The following ALG1 variants were observed in gnomAD, a reference collection of about 807,000 sequenced individuals.
The protein encoded by ALG1 is ALG1 chitobiosyldiphosphodolichol beta-mannosyltransferase.
A neutral mutation model predicts 55.1 loss-of-function variants in ALG1; 58 were observed. The ratio of observed to expected loss-of-function variants is 1.05; its 90% CI spans 0.85 to 1.31. The LOEUF is 1.31. Ranked by LOEUF, ALG1 falls within the 50% of genes most tolerant of loss-of-function variation. ALG1 has a pLI of 0.00. For synonymous variants in ALG1, 309 were observed against 247.0 expected, an observed-to-expected ratio of 1.25 and a Z score of -2.35; for missense variants, 761 against 598.6, an observed-to-expected ratio of 1.27 and a Z score of -2.83.
intron 4 of ALG1, 56 bp downstream of exon 4, chr16:5,075,592 G>A: frequency 6.2e-7 from 1 of 1,606,878 alleles, no homozygotes; most frequent in East Asian, 2.2e-5. Context: ...AAGGATGAGT[G>A]AGAAGAAGGG....
chr16:5,085,584 A>G lies in ALG1; in HGVS notation c.*703A>G, dbSNP rs764130039. ...GCTTTCCCATATAAAAATTCTTCCC[A>G]TGAGAGTGACTTGATTCTCACAATC... is the stretch of plus-strand genomic sequence containing the variant. On this transcript the variant is annotated 3_prime_UTR_variant, in exon 13 of 13. Coordinates refer to ENST00000262374, the MANE Select transcript of ALG1 (RefSeq NM_019109.5). 7.6e-7 allele frequency: 1 copy of G among 1,321,754 alleles called. No individual in the cohort carries two copies. Among genetic ancestry groups the G allele is most frequent in the Admixed American group, 1.7e-5 (1 of 59,594 alleles). The allele number at this position is 1,321,754 out of a possible 1,614,324, so 81.9% of individuals were successfully genotyped here.
In ALG1 at chr16:5,082,671, G is replaced by C. The variant is rs1308517122; in HGVS notation, c.1185G>C (p.Lys395Asn). 1.2e-6 allele frequency: 2 copies of C among 1,611,434 alleles called. No individual in the cohort carries two copies. Among genetic ancestry groups the C allele is most frequent in the Admixed American group, 1.7e-5 (1 of 60,024 alleles). The change falls in exon 11 of 13, where the codon AAG (lysine) becomes AAC (asparagine). Residue 395 changes from lysine to asparagine, a missense_variant and splice_region_variant. By Grantham distance (94) the Lys-to-Asn change is moderately conservative. Coordinates refer to ENST00000262374, the MANE Select transcript of ALG1 (RefSeq NM_019109.5). ...TGCCTGTGTGTGCTGTGAACTTCAA[G>C]TGGTAGGAGCAGAACCCAAATCCTT... is the stretch of plus-strand genomic sequence containing the variant. ...CCLPVCAVNF[K>N]CLHELVKHEE...
Position 5,086,996 on chromosome 16 carries a change from A to G in ALG1, c.*2115A>G, listed in dbSNP as rs988415445. 5.3e-5 allele frequency: 8 copies of G among 152,200 alleles called. No individual in the cohort carries two copies. The highest frequency in any genetic ancestry group is 8.8e-5 in the Non-Finnish European group (6 of 68,030). The allele number at this position is 152,200 out of a possible 1,614,324, so 9.4% of individuals were successfully genotyped here. A position where few individuals can be genotyped will look rare whatever the true frequency, so the allele number is the denominator to read the frequency against. On this transcript the variant is annotated 3_prime_UTR_variant, in exon 13 of 13. Coordinates refer to ENST00000262374, the MANE Select transcript of ALG1 (RefSeq NM_019109.5). ...GTGACCCGGGACGATTTTCAATCAC[A>G]GTTTTTTGTTACGAGTGGAAAATGC... is the stretch of plus-strand genomic sequence containing the variant.
In ALG1 at chr16:5,086,374, CCACACACA is replaced by C. The variant is rs1219969980; in HGVS notation, c.*1500_*1507del. On this transcript the variant is annotated 3_prime_UTR_variant, in exon 13 of 13. Transcript: ENST00000262374. ...AAAACCACACGCACCACACACACAC[CCACACACA>C]CACACAGCTTAGAAGGGGCTGCTGT... 2 of 150,516 alleles carry C rather than the reference CCACACACA, an allele frequency of 1.3e-5. No individual in the cohort carries two copies. The highest frequency in any genetic ancestry group is 2.9e-5 in the Non-Finnish European group (2 of 68,216). 9.3% of individuals were successfully genotyped at this position (150,516 alleles called of 1,614,324 possible).
intron 1 of ALG1, chr16:5,072,407 T>G: frequency 7.4e-6 from 4 of 538,254 alleles, no homozygotes; most frequent in East Asian, 4.5e-5. Flanking sequence ...GGATATTTCA[T>G]TCCTCATCCC....
rs769389896 is a variant in ALG1, at chr16:5,080,940, G to T, written c.962-6G>T. ...TCCATGGCAGTGTCTGCTCTTCTCT[G>T]TGAAGGCAAAGGGCCTCTGAGGGAG... On this transcript the variant is annotated splice_polypyrimidine_tract_variant and splice_region_variant and intron_variant, in intron 9 of 12. Coordinates refer to ENST00000262374, the MANE Select transcript of ALG1 (RefSeq NM_019109.5). 3 of 1,596,184 alleles carry T rather than the reference G, an allele frequency of 1.9e-6. No homozygotes were observed. In the African/African-American group the frequency reaches 4.0e-5, roughly 21 times the overall value.
rs1011307139 is a variant in ALG1, at chr16:5,077,450, A to C, written c.545A>C (p.Glu182Ala). ...HPLVLLAKWY[E>A]KFFGRLSHLN... ...CTGCTGATCTCTCTTTTCAGGTACG[A>C]GAAGTTCTTTGGGCGCCTGTCCCAC... The change falls in exon 5 of 13, where the codon GAG becomes GCG. Residue 182 changes from glutamate to alanine, a missense_variant. Transcript: ENST00000262374. 3.1e-6 allele frequency: 5 copies of C among 1,613,924 alleles called. No homozygotes were observed. The African/African-American group carries it at 6.7e-5, about 22-fold the overall frequency.
In ALG1 at chr16:5,079,049, A is replaced by C. The variant is rs371947976; in HGVS notation, c.863-15A>C. On this transcript the variant is annotated splice_polypyrimidine_tract_variant and intron_variant, in intron 7 of 12. Transcript: ENST00000262374. ...TCTAGAAACAGGCCCCTGACATTCA[A>C]TTCTCTTCTCATAGAGGACGAAGAC... 1.9e-6 allele frequency: 3 copies of C among 1,602,902 alleles called. No individual in the cohort carries two copies. In the African/African-American group the frequency reaches 4.0e-5, roughly 21 times the overall value.
In ALG1 at chr16:5,085,334, C is replaced by T. The variant is rs1957117341; in HGVS notation, c.*453C>T. 1.2e-5 allele frequency: 6 copies of T among 495,032 alleles called. No homozygotes were observed. The highest frequency in any genetic ancestry group is 1.5e-5 in the Non-Finnish European group (4 of 269,744). 30.7% of individuals were successfully genotyped at this position (495,032 alleles called of 1,614,324 possible). A position where few individuals can be genotyped will look rare whatever the true frequency, so the allele number is the denominator to read the frequency against. ...ACTGAGTGTGTCCACGTTGGGGGAA[C>T]ATCATACTTGATACACACGTTTTTA... On this transcript the variant is annotated 3_prime_UTR_variant, in exon 13 of 13. Transcript: ENST00000262374.
intron 12 of ALG1, chr16:5,084,465 C>G (rs1329925464): frequency 8.7e-6 from 5 of 574,040 alleles, no homozygotes; most frequent in African/African-American, 1.9e-5. Context: ...GGCCAGAGGC[C>G]GAGAGGAGGG....
intron 3 of ALG1, among the ~76,000 whole-genome samples, chr16:5,075,185 T>TCAGCCACC (rs1956887319): frequency 6.6e-6 from 1 of 152,190 alleles, no homozygotes; most frequent in African/African-American, 2.4e-5. Flanking sequence ...ATTACAGGCA[T>TCAGCCACC]CAGCCACCGC....
intron 3 of ALG1, among the ~76,000 whole-genome samples, chr16:5,073,795 A>G (rs905869201): frequency 2.6e-5 from 4 of 151,636 alleles, no homozygotes; most frequent in East Asian, 2.0e-4. Context: ...GCTCACTGCA[A>G]CCTCTGCCTG....
At chr16:5,083,154 G>C (rs1957045554) in intron 11 of ALG1, among the ~76,000 whole-genome samples, 1 of 152,162 alleles carries the variant, frequency 6.6e-6, no homozygotes, top group East Asian at 1.9e-4. Context: ...GCGTAGACGG[G>C]TGTTTGGAAG....
intron 10 of ALG1, among the ~76,000 whole-genome samples, chr16:5,082,141 C>T (rs1383159122): frequency 6.6e-6 from 1 of 151,846 alleles, no homozygotes; most frequent in Non-Finnish European, 1.5e-5. Flanking sequence ...GATGGGGTTT[C>T]ACCATGTGGG....
At position 5,078,809 on chromosome 16, in the gene ALG1, G is replaced by T. The variant is rs780772235; in HGVS notation, c.793G>T (p.Ala265Ser). The T allele has an allele frequency of 3.7e-5, 60 of 1,612,642 alleles. No homozygotes were observed. The highest frequency in any genetic ancestry group is 4.6e-5 in the Non-Finnish European group (54 of 1,179,816). Residue 265 changes from alanine (A) to serine (S), a missense_variant, in exon 7 of 13, where the codon GCT (alanine) becomes TCT (serine). Transcript: ENST00000262374. ...GCGGTCGGCCTTCACGGAGCGGGAT[G>T]CTGGGAGCGGGCTGGTGACGCGTCT... The part of the protein sequence containing the change: ...TERSAFTERD[A>S]GSGLVTRLRE...
chr16:5,073,343 A>G, intron 3 of ALG1, 87 bp downstream of exon 3: 1 of 1,208,278 alleles, frequency 8.3e-7, no homozygotes, highest in Non-Finnish European at 1.2e-6. Flanking sequence ...GCATATTCAT[A>G]TGTGTGTGTG....
Position 5,085,006 on chromosome 16 carries a change from G to A in ALG1, c.*125G>A, listed in dbSNP as rs1047653. 1 of 1,516,644 alleles carries A rather than the reference G, an allele frequency of 6.6e-7. No homozygotes were observed. The highest frequency in any genetic ancestry group is 9.0e-7 in the Non-Finnish European group (1 of 1,112,836). The allele number at this position is 1,516,644 out of a possible 1,614,324, so 93.9% of individuals were successfully genotyped here. ...GGCCAGAAGCTGAAATGACAGCAGT[G>A]GTACTGCCTGGTAAAAGAATTGGTT... On this transcript the variant is annotated 3_prime_UTR_variant, in exon 13 of 13. Transcript: ENST00000262374.
At chr16:5,083,853 A>T (rs1024734113) in intron 12 of ALG1, 96 bp downstream of exon 12, 1 of 1,573,226 alleles carries the variant, frequency 6.4e-7, no homozygotes, top group Non-Finnish European at 8.6e-7. Context: ...CCAGGGTGGG[A>T]CCATGTGGGG....
At chr16:5,073,523 T>C (rs1474650113) in intron 3 of ALG1, 1 of 514,070 alleles carries the variant, frequency 1.9e-6, no homozygotes, top group Non-Finnish European at 3.5e-6. Flanking sequence ...CCCTAAGAAA[T>C]ATTGCATGTA....
Sources: gnomAD v4.1 joint callset for allele counts (sites outside exome capture counted in the v4.1 genomes callset) on GRCh38, gnomAD v4.1.1 for gene constraint, MANE v1.5 for transcripts, NCBI Gene and HGNC (gene_info 2026-07-23, HGNC 2026-07-21) for gene names.